Variants in PTPN12 observed in about 807,000 individuals in gnomAD.
The protein encoded by PTPN12 is tyrosine-protein phosphatase non-receptor type 12.
In PTPN12, 29 loss-of-function variants were observed where a neutral mutation model predicts 97.6. The observed-to-expected ratio is 0.30, with a 90% CI of 0.22 to 0.41. PTPN12 has a LOEUF of 0.41. PTPN12 is among the 10% of genes least tolerant of loss of function. The pLI is 1.00. For synonymous variants in PTPN12, 327 were observed against 300.4 expected, an observed-to-expected ratio of 1.09 and a Z score of -0.91; for missense variants, 819 against 926.0, an observed-to-expected ratio of 0.88 and a Z score of 1.50.
intron 1 of PTPN12, among the ~76,000 whole-genome samples, chr7:77,545,335 G>A (rs906901839): frequency 6.6e-6 from 1 of 152,056 alleles, no homozygotes; most frequent in Non-Finnish European, 1.5e-5. Context: ...GTAGGCTAAT[G>A]GAAACCATAC....
intron 13 of PTPN12, among the ~76,000 whole-genome samples, chr7:77,628,643 A>G (rs960434842): frequency 1.3e-5 from 2 of 151,296 alleles, no homozygotes; most frequent in African/African-American, 2.4e-5. Flanking sequence ...TGCAGTGGCA[A>G]GATCTCGGCT....
chr7:77,563,727 A>C (rs1375984668), intron 1 of PTPN12, among the ~76,000 whole-genome samples: 1 of 152,146 alleles, frequency 6.6e-6, no homozygotes, highest in Admixed American at 6.5e-5. Context: ...ATAGCCATGC[A>C]TTTCTGAAAA....
In PTPN12 at chr7:77,627,353, C is replaced by T; in HGVS notation, c.1674C>T (p.Ile558=). 4 of 1,614,034 alleles carry T rather than the reference C, an allele frequency of 2.5e-6. No individual in the cohort carries two copies. Among genetic ancestry groups the T allele is most frequent in the Non-Finnish European group, 3.4e-6 (4 of 1,179,918 alleles). ...TATCTGAAGGCAATTCCTCAGATAT[C>T]AACTATCAAACTAGGAAAACTGTGA... ...PDLSEGNSSD[I]NYQTRKTVSL... Residue 558 remains isoleucine, a synonymous_variant, in exon 13 of 18, where the codon ATC becomes ATT. Transcript: ENST00000248594.
chr7:77,618,694 C>A, intron 12 of PTPN12, 129 bp downstream of exon 12: 1 of 651,656 alleles, frequency 1.5e-6, no homozygotes, highest in Non-Finnish European at 2.5e-6. Flanking sequence ...TAGGATGTAA[C>A]ATACGTATGA....
At position 77,585,729 on chromosome 7, in the gene PTPN12, A is replaced by C. The variant is rs1374479619; in HGVS notation, c.420+148A>C. The C allele has an allele frequency of 5.1e-6, 3 of 583,606 alleles. No homozygotes were observed. In the Admixed American group the frequency reaches 1.0e-4, roughly 20 times the overall value. 36.2% of individuals were successfully genotyped at this position (583,606 alleles called of 1,614,324 possible). On this transcript the variant is annotated intron_variant, in intron 5 of 17. Coordinates refer to ENST00000248594, the MANE Select transcript of PTPN12 (RefSeq NM_002835.4). ...TTGCTTTTATTTCATACAAGGGACA[A>C]AATAATCTCTCAAGCATGTTGTTTT... is the stretch of plus-strand genomic sequence containing the variant.
intron 11 of PTPN12, among the ~76,000 whole-genome samples, chr7:77,616,314 T>C (rs1293098387): frequency 6.6e-6 from 1 of 152,216 alleles, no homozygotes; most frequent in Non-Finnish European, 1.5e-5. Context: ...CATAGCTTCA[T>C]AGTACTGATT....
At chr7:77,624,292 TA>T (rs1789052446) in intron 12 of PTPN12, among the ~76,000 whole-genome samples, 1 of 151,988 alleles carries the variant, frequency 6.6e-6, no homozygotes, top group South Asian at 2.1e-4. Context: ...AATCTACTTG[TA>T]AAACTTGAAC....
chr7:77,612,397 G>A (rs2151378118), intron 11 of PTPN12, among the ~76,000 whole-genome samples: 1 of 152,228 alleles, frequency 6.6e-6, no homozygotes, highest in South Asian at 2.1e-4. Flanking sequence ...TCTGAATCTA[G>A]CCAAATATTT....
In PTPN12 at chr7:77,583,570, A is replaced by C; in HGVS notation, c.301A>C (p.Lys101Gln). 1 of 1,607,816 alleles carries C rather than the reference A, an allele frequency of 6.2e-7. No homozygotes were observed. The highest frequency in any genetic ancestry group is 8.5e-7 in the Non-Finnish European group (1 of 1,177,748). Residue 101 changes from lysine (K) to glutamine (Q), a missense_variant, in exon 4 of 18, where the codon AAA becomes CAA. Coordinates refer to ENST00000248594, the MANE Select transcript of PTPN12 (RefSeq NM_002835.4). ...CCATTTTTAGGGCGTCTATGGGCCA[A>C]AAGCATATGTAGCAACTCAAGGACC... ...ANFIKGVYGPKAYVATQGPLA... is the reference protein window; with the variant it reads ...ANFIKGVYGPQAYVATQGPLA...
intron 1 of PTPN12, chr7:77,563,925 T>A: frequency 2.3e-6 from 1 of 441,572 alleles, no homozygotes; most frequent in Non-Finnish European, 4.5e-6. Flanking sequence ...CATTTTTTCT[T>A]TTTTTTTGAG....
At chr7:77,633,240 A>T (rs909382374) in intron 14 of PTPN12, among the ~76,000 whole-genome samples, 1 of 151,326 alleles carries the variant, frequency 6.6e-6, no homozygotes, top group Admixed American at 6.6e-5. Context: ...ATTGCACTCC[A>T]ACCTGGGCAA....
chr7:77,626,306 A>G (rs1310870321), intron 12 of PTPN12, among the ~76,000 whole-genome samples: 1 of 152,204 alleles, frequency 6.6e-6, no homozygotes, highest in African/African-American at 2.4e-5. Context: ...ATTACAATAT[A>G]ACAGTATTGG....
intron 1 of PTPN12, among the ~76,000 whole-genome samples, chr7:77,558,529 A>G (rs528242716): frequency 6.6e-6 from 1 of 152,364 alleles, no homozygotes; most frequent in Non-Finnish European, 1.5e-5. Context: ...AAGGAAACAG[A>G]TGTGGAGGGG....
At chr7:77,573,684 A>T (rs941224529) in intron 2 of PTPN12, among the ~76,000 whole-genome samples, 6 of 152,242 alleles carry the variant, frequency 3.9e-5, no homozygotes, top group African/African-American at 1.4e-4. Flanking sequence ...TTATTCATGC[A>T]CACATTCAAA....
chr7:77,623,139 G>GT (rs1230564883), intron 12 of PTPN12, among the ~76,000 whole-genome samples: 2 of 152,028 alleles, frequency 1.3e-5, no homozygotes, highest in South Asian at 2.1e-4. Context: ...AAAAAATATA[G>GT]TTTTTTAAGT....
intron 13 of PTPN12, among the ~76,000 whole-genome samples, chr7:77,629,792 C>G (rs1282179770): frequency 6.6e-6 from 1 of 151,874 alleles, no homozygotes; most frequent in Non-Finnish European, 1.5e-5. Context: ...AGATAAAAAA[C>G]TAGCCGGGCA....
intron 12 of PTPN12, among the ~76,000 whole-genome samples, chr7:77,622,234 C>T (rs1788965601): frequency 2.0e-5 from 3 of 152,144 alleles, no homozygotes; most frequent in Non-Finnish European, 4.4e-5. Flanking sequence ...GGATTGCAGG[C>T]GTGAGCCACC....
At chr7:77,548,649 C>G (rs1807333380) in intron 1 of PTPN12, among the ~76,000 whole-genome samples, 2 of 152,182 alleles carry the variant, frequency 1.3e-5, no homozygotes, top group African/African-American at 4.8e-5. Flanking sequence ...TAAAGCCCCA[C>G]TTCCTACCCC....
chr7:77,573,112 AAC>A (rs1361848729), intron 2 of PTPN12, among the ~76,000 whole-genome samples: 10 of 146,260 alleles, frequency 6.8e-5, no homozygotes, highest in Middle Eastern at 3.4e-3. Context: ...AAACAAAAAA[AAC>A]CAGTGTACCT....
Sources: gnomAD v4.1 joint callset for allele counts (sites outside exome capture counted in the v4.1 genomes callset) on GRCh38, gnomAD v4.1.1 for gene constraint, MANE v1.5 for transcripts, NCBI Gene and HGNC (gene_info 2026-07-23, HGNC 2026-07-21) for gene names.